NSMCE2: variants seen among roughly 807,000 people sequenced by gnomAD.
NSMCE2 encodes the protein E3 SUMO-protein ligase NSE2.
NSMCE2 carries 24 observed loss-of-function variants against 23.8 expected under a neutral mutation model. The ratio of observed to expected loss-of-function variants is 1.01; its 90% CI spans 0.73 to 1.42. NSMCE2 has a LOEUF of 1.42. Ranked by LOEUF, NSMCE2 falls within the 40% of genes most tolerant of loss-of-function variation. The pLI, the probability that NSMCE2 is intolerant of heterozygous loss-of-function variation, is 0.00. For missense variants in NSMCE2, 284 were observed against 296.5 expected (o/e 0.96, Z 0.31); for synonymous variants, 92 against 94.1 (o/e 0.98, Z 0.13).
intron 5 of NSMCE2, among the ~76,000 whole-genome samples, chr8:125,241,990 A>G (rs1825781346): frequency 6.6e-6 from 1 of 152,150 alleles, no homozygotes; most frequent in Non-Finnish European, 1.5e-5. Flanking sequence ...TCTCAGACCA[A>G]AGATCCCTAG....
chr8:125,248,156 T>C lies in NSMCE2; in HGVS notation c.418+65900T>C, dbSNP rs73351233. Among the ~76,000 whole-genome samples, 282 of 152,298 alleles carry C rather than the reference T, an allele frequency of 1.9e-3. 1 individual carries two copies. Among genetic ancestry groups the C allele is most frequent in the African/African-American group, 6.6e-3 (274 of 41,570 alleles). ...AGATTTTAAGATTAAAAATTGAAAC[T>C]AAAGTGTGAAAAGAAACAGTCCGGG... On this transcript the variant is annotated intron_variant, in intron 5 of 7. Transcript: ENST00000287437.
At chr8:125,262,758 GT>G (rs935702801) in intron 5 of NSMCE2, among the ~76,000 whole-genome samples, 2 of 152,110 alleles carry the variant, frequency 1.3e-5, no homozygotes, top group African/African-American at 4.8e-5. Flanking sequence ...TTCTGTGTTA[GT>G]TTCCTCCTCT....
intron 5 of NSMCE2, among the ~76,000 whole-genome samples, chr8:125,287,355 A>G (rs1412423543): frequency 6.6e-6 from 1 of 152,104 alleles, no homozygotes. Flanking sequence ...TAATAAAATC[A>G]AATACAGAAT....
chr8:125,105,468 T>C (rs1818416972), intron 3 of NSMCE2, among the ~76,000 whole-genome samples: 1 of 152,222 alleles, frequency 6.6e-6, no homozygotes, highest in South Asian at 2.1e-4. Flanking sequence ...ACAGAGTTTT[T>C]TTTTTCTCTT....
intron 5 of NSMCE2, among the ~76,000 whole-genome samples, chr8:125,202,123 G>A (rs920013477): frequency 5.3e-5 from 8 of 152,174 alleles, no homozygotes; most frequent in Non-Finnish European, 1.2e-4. Context: ...AGTCTGTCAC[G>A]GCTTCCCTTG....
At chr8:125,219,665 C>G (rs749729388) in intron 5 of NSMCE2, among the ~76,000 whole-genome samples, 1 of 152,112 alleles carries the variant, frequency 6.6e-6, no homozygotes, top group Non-Finnish European at 1.5e-5. Context: ...TTTTCTTGGG[C>G]TTTCTGGAAA....
intron 5 of NSMCE2, among the ~76,000 whole-genome samples, chr8:125,291,415 G>A (rs926214711): frequency 1.4e-4 from 21 of 152,066 alleles, no homozygotes; most frequent in Admixed American, 3.3e-4. Flanking sequence ...TTTTTAAATT[G>A]GTAAACTCTT....
chr8:125,191,006 G>A (rs1823320225), intron 5 of NSMCE2, among the ~76,000 whole-genome samples: 1 of 152,048 alleles, frequency 6.6e-6, no homozygotes, highest in Non-Finnish European at 1.5e-5. Flanking sequence ...GAGTAGCTGG[G>A]ATTACAGGCA....
chr8:125,216,735 A>G (rs1251960640), intron 5 of NSMCE2, among the ~76,000 whole-genome samples: 3 of 152,012 alleles, frequency 2.0e-5, no homozygotes, highest in Non-Finnish European at 4.4e-5. Flanking sequence ...TCCTGCTTCA[A>G]CCATTCTTCA....
intron 4 of NSMCE2, among the ~76,000 whole-genome samples, chr8:125,176,967 G>A (rs1822530047): frequency 1.3e-5 from 2 of 152,212 alleles, no homozygotes; most frequent in South Asian, 4.1e-4. Flanking sequence ...TCTGACACCT[G>A]TAAGGACAAT....
intron 7 of NSMCE2, among the ~76,000 whole-genome samples, chr8:125,359,337 T>C (rs1211160095): frequency 6.7e-6 from 1 of 148,306 alleles, no homozygotes; most frequent in Non-Finnish European, 1.5e-5. Context: ...TCTCTTTTTT[T>C]TTTTTTTTTT....
chr8:125,292,702 G>C (rs1175637651), intron 5 of NSMCE2, among the ~76,000 whole-genome samples: 7 of 152,206 alleles, frequency 4.6e-5, no homozygotes, highest in Non-Finnish European at 1.0e-4. Flanking sequence ...AGTGCTGTTG[G>C]CTTCTACAAA....
At chr8:125,099,601 G>A (rs1477968409) in intron 1 of NSMCE2, among the ~76,000 whole-genome samples, 1 of 152,152 alleles carries the variant, frequency 6.6e-6, no homozygotes, top group African/African-American at 2.4e-5. Flanking sequence ...GTGATTAACT[G>A]TGTTGCATAC....
At chr8:125,306,317 C>A (rs1828759375) in intron 5 of NSMCE2, among the ~76,000 whole-genome samples, 1 of 151,628 alleles carries the variant, frequency 6.6e-6, no homozygotes, top group African/African-American at 2.4e-5. Flanking sequence ...GCAACAGAGA[C>A]CCTGTCTCAA....
intron 5 of NSMCE2, among the ~76,000 whole-genome samples, chr8:125,326,676 C>T (rs1829675363): frequency 6.6e-6 from 1 of 152,198 alleles, no homozygotes; most frequent in Non-Finnish European, 1.5e-5. Flanking sequence ...AAAAGGCGGG[C>T]CAGGCGCAAT....
intron 5 of NSMCE2, among the ~76,000 whole-genome samples, chr8:125,267,551 T>G (rs1826979426): frequency 1.3e-5 from 2 of 152,174 alleles, no homozygotes; most frequent in Non-Finnish European, 2.9e-5. Flanking sequence ...TTTGGAAGGC[T>G]GAGGCGGGAG....
chr8:125,236,935 A>G (rs1180420503), intron 5 of NSMCE2, among the ~76,000 whole-genome samples: 1 of 152,094 alleles, frequency 6.6e-6, no homozygotes, highest in Non-Finnish European at 1.5e-5. Context: ...TATAAATACT[A>G]GTGAAAACTG....
intron 3 of NSMCE2, among the ~76,000 whole-genome samples, chr8:125,104,785 C>T (rs1429568843): frequency 6.6e-6 from 1 of 152,154 alleles, no homozygotes; most frequent in African/African-American, 2.4e-5. Context: ...ACCTGTAATC[C>T]CAACACTTTG....
chr8:125,176,876 A>G (rs1389842406), intron 4 of NSMCE2, among the ~76,000 whole-genome samples: 1 of 152,140 alleles, frequency 6.6e-6, no homozygotes, highest in Non-Finnish European at 1.5e-5. Context: ...CCATTACTTC[A>G]CACAGTCCTC....
Sources: gnomAD v4.1 joint callset for allele counts (sites outside exome capture counted in the v4.1 genomes callset) on GRCh38, gnomAD v4.1.1 for gene constraint, MANE v1.5 for transcripts, NCBI Gene and HGNC (gene_info 2026-07-23, HGNC 2026-07-21) for gene names.